The following PRDX4 variants were observed in gnomAD, a reference collection of about 807,000 sequenced individuals.
The protein encoded by PRDX4 is peroxiredoxin 4, also known as peroxiredoxin-4.
PRDX4 carries 12 observed loss-of-function variants against 20.5 expected under a neutral mutation model. The ratio of observed to expected loss-of-function variants is 0.58; its 90% CI spans 0.37 to 0.95. The LOEUF (loss-of-function observed/expected upper bound fraction) is 0.95. PRDX4 is among the 40% of genes least tolerant of loss of function. The pLI, the probability that PRDX4 is intolerant of heterozygous loss-of-function variation, is 0.01. For synonymous variants in PRDX4, 99 were observed against 87.5 expected (o/e 1.13, Z -0.73); for missense variants, 180 against 207.3 (o/e 0.87, Z 0.81).
Position 23,671,560 on chromosome X carries a change from A to G in PRDX4, c.273A>G (p.Thr91=), listed in dbSNP as rs2146786703. The change falls in exon 2 of 7, where the codon ACA becomes ACG. Residue 91 remains threonine, a synonymous_variant. Coordinates refer to ENST00000379341, the MANE Select transcript of PRDX4 (RefSeq NM_006406.2). ...AGCCAGCGCCCTACTGGGAAGGAAC[A>G]GCTGTGATCGATGGAGAATTTAAGG... The part of the protein sequence containing the change: ...ISKPAPYWEG[T]AVIDGEFKEL... The G allele has an allele frequency of 4.1e-6, 5 of 1,208,033 alleles. No homozygotes were observed. Among genetic ancestry groups the G allele is most frequent in the Non-Finnish European group, 4.5e-6 (4 of 894,257 alleles).
At chrX:23,677,210 C>T (rs1179401860) in intron 3 of PRDX4, among the ~76,000 whole-genome samples, 1 of 111,444 alleles carries the variant, frequency 9.0e-6, no homozygotes, top group East Asian at 2.8e-4. Flanking sequence ...GAAATTTCTA[C>T]TTGGGTGTCA....
In PRDX4 at chrX:23,672,877, G is replaced by C. The variant is rs187150868; in HGVS notation, c.359+1231G>C. 8.1e-3 allele frequency among the ~76,000 whole-genome samples: 902 copies of C among 111,756 alleles called. 6 individuals carry two copies. The highest frequency in any genetic ancestry group is 9.9e-3 in the Non-Finnish European group (524 of 53,127). ...CCAACCCCTGCTCTAAGCCACAAAG[G>C]AAGAATTCTCATGAAAATTATTACA... On this transcript the variant is annotated intron_variant, in intron 2 of 6. Transcript: ENST00000379341.
intron 3 of PRDX4, among the ~76,000 whole-genome samples, chrX:23,676,136 C>CAAAAAAAAAAAAAAAAAAAA (rs55792240): frequency 1.8e-5 from 1 of 54,999 alleles, no homozygotes; most frequent in Non-Finnish European, 3.3e-5. Context: ...AACTCCATCT[C>CAAAAAAAAAAAAAAAAAAAA]AAAAAAAAAA....
chrX:23,682,482 T>G lies in PRDX4; in HGVS notation c.686T>G (p.Leu229Arg). The change falls in exon 5 of 7, where the codon CTA (leucine) becomes CGA (arginine). Residue 229 changes from leucine to arginine, a missense_variant. By Grantham distance (102) the Leu-to-Arg change is moderately radical. Around this residue, in one of 3 missense-constraint regions of PRDX4, gnomAD observed 73 missense variants for 76.5 expected, o/e 0.95. Coordinates refer to ENST00000379341, the MANE Select transcript of PRDX4 (RefSeq NM_006406.2). ...GTGGGTAGATCAGTGGATGAGACAC[T>G]ACGTTTGGTTCAAGCATTCCAGTAC... ...LPVGRSVDETLRLVQAFQYTD... is the reference protein window; with the variant it reads ...LPVGRSVDETRRLVQAFQYTD... 1.7e-6 allele frequency: 2 copies of G among 1,182,006 alleles called. No individual in the cohort carries two copies. The highest frequency in any genetic ancestry group is 2.3e-6 in the Non-Finnish European group (2 of 877,224).
In PRDX4 at chrX:23,679,292, C is replaced by T. The variant is rs746125836; in HGVS notation, c.599+5C>T. On this transcript the variant is annotated splice_donor_5th_base_variant and intron_variant, in intron 4 of 6. Coordinates refer to ENST00000379341, the MANE Select transcript of PRDX4 (RefSeq NM_006406.2). ...GGACTCAGGCCACACTCTTAGGTAC[C>T]TTTCAGTGGTTTTATATTATGACAA... 3.7e-5 allele frequency: 44 copies of T among 1,186,252 alleles called. No individual in the cohort carries two copies. The highest frequency in any genetic ancestry group is 4.9e-5 in the Non-Finnish European group (43 of 883,958).
At chrX:23,675,244 C>A in intron 3 of PRDX4, 138 bp downstream of exon 3, 3 of 1,059,145 alleles carry the variant, frequency 2.8e-6, no homozygotes, top group Non-Finnish European at 3.8e-6. Flanking sequence ...AAGAGTAATA[C>A]ATGTAACTAC....
In PRDX4 at chrX:23,679,307, T is replaced by C. The variant is rs1012717744; in HGVS notation, c.599+20T>C. ...TCTTAGGTACCTTTCAGTGGTTTTATATTATGACAAATCCAAGCGTGTTTA... is the reference window on the plus strand; with the variant it reads ...TCTTAGGTACCTTTCAGTGGTTTTACATTATGACAAATCCAAGCGTGTTTA... On this transcript the variant is annotated intron_variant, in intron 4 of 6. Transcript: ENST00000379341. The C allele has an allele frequency of 1.7e-6, 2 of 1,169,192 alleles. No individual in the cohort carries two copies. Among genetic ancestry groups the C allele is most frequent in the Admixed American group, 2.6e-5 (1 of 38,520 alleles).
intron 4 of PRDX4, among the ~76,000 whole-genome samples, chrX:23,680,978 C>T (rs943455089): frequency 9.0e-6 from 1 of 111,357 alleles, no homozygotes; most frequent in African/African-American, 3.3e-5. Flanking sequence ...GCCTGTAATC[C>T]CAGCACTTTG....
chrX:23,682,617 A>G lies in PRDX4; in HGVS notation c.730+91A>G, dbSNP rs1488187113. ...ATCGTAAAAGTAATCGATATTTCCA[A>G]AGTTTTCTGATTATTTACAAATTAT... On this transcript the variant is annotated intron_variant, in intron 5 of 6. Coordinates refer to ENST00000379341, the MANE Select transcript of PRDX4 (RefSeq NM_006406.2). The G allele has an allele frequency of 4.1e-6, 3 of 725,322 alleles. No individual in the cohort carries two copies. In the African/African-American group the frequency reaches 7.0e-5, roughly 17 times the overall value. 59.8% of individuals were successfully genotyped at this position (725,322 alleles called of 1,213,427 possible).
chrX:23,683,335 T>A (rs943597915), intron 5 of PRDX4, among the ~76,000 whole-genome samples: 1 of 111,730 alleles, frequency 9.0e-6, no homozygotes, highest in Non-Finnish European at 1.9e-5. Context: ...TTATGTAAAT[T>A]TGGAGGAATT....
intron 6 of PRDX4, among the ~76,000 whole-genome samples, chrX:23,684,810 C>G (rs936623061): frequency 7.2e-5 from 8 of 111,323 alleles, no homozygotes; most frequent in African/African-American, 2.0e-4. Flanking sequence ...CCCAACCAAC[C>G]TATTTATGAA....
intron 2 of PRDX4, among the ~76,000 whole-genome samples, chrX:23,672,325 T>G (rs1387364579): frequency 8.9e-6 from 1 of 112,352 alleles, no homozygotes; most frequent in Non-Finnish European, 1.9e-5. Flanking sequence ...GTTTTTCCAT[T>G]TTTATTCTTT....
intron 1 of PRDX4, among the ~76,000 whole-genome samples, chrX:23,670,509 T>C (rs1386627468): frequency 8.9e-6 from 1 of 111,845 alleles, no homozygotes; most frequent in Non-Finnish European, 1.9e-5. Context: ...ATGGTGGCTG[T>C]TACAGAGAAG....
chrX:23,678,455 C>A (rs1354102538), intron 3 of PRDX4, among the ~76,000 whole-genome samples: 2 of 109,917 alleles, frequency 1.8e-5, no homozygotes, highest in Non-Finnish European at 3.8e-5. Flanking sequence ...CATGGTAAAT[C>A]CCTGACTCTA....
rs1391898824 is a variant in PRDX4, at chrX:23,675,113, AT to A, written c.476+8del. On this transcript the variant is annotated splice_region_variant and intron_variant, in intron 3 of 6. Coordinates refer to ENST00000379341, the MANE Select transcript of PRDX4 (RefSeq NM_006406.2). ...AGTTTACCCATTTGGCCTGGTCAGT[AT>A]CTTACACTTATATTCGTAGAAAAAA... is the stretch of plus-strand genomic sequence containing the variant. 7 of 1,210,072 alleles carry A rather than the reference AT, an allele frequency of 5.8e-6. No homozygotes were observed. The highest frequency in any genetic ancestry group is 6.7e-6 in the Non-Finnish European group (6 of 895,245).
At chrX:23,670,690 C>T (rs186938381) in intron 1 of PRDX4, among the ~76,000 whole-genome samples, 2 of 112,279 alleles carry the variant, frequency 1.8e-5, no homozygotes, top group Non-Finnish European at 3.8e-5. Context: ...TACAAGAGAG[C>T]AGCATGAACT....
At chrX:23,671,297 A>AT (rs1054577403) in intron 1 of PRDX4, 4 of 313,727 alleles carry the variant, frequency 1.3e-5, no homozygotes, top group Middle Eastern at 8.7e-4. Flanking sequence ...GATATCACCA[A>AT]TTTTTTTTAA....
chrX:23,680,056 G>A (rs1256181569), intron 4 of PRDX4, among the ~76,000 whole-genome samples: 1 of 112,519 alleles, frequency 8.9e-6, no homozygotes, highest in East Asian at 2.8e-4. Flanking sequence ...TAAACCGTTA[G>A]TTTATATTAC....
At chrX:23,682,661 G>A in intron 5 of PRDX4, 135 bp downstream of exon 5, 1 of 438,057 alleles carries the variant, frequency 2.3e-6, no homozygotes, top group Non-Finnish European at 3.2e-6. Flanking sequence ...CCTTTTAACA[G>A]ACCAAATTAT....
Sources: allele counts gnomAD v4.1 joint callset (sites outside exome capture counted in the v4.1 genomes callset), GRCh38; gene constraint gnomAD v4.1.1; regional missense constraint gnomAD v4.1.1; transcripts MANE v1.5; gene names NCBI Gene and HGNC (gene_info 2026-07-23, HGNC 2026-07-21).